Variants in GASK1B observed in about 807,000 individuals in gnomAD.
The protein encoded by GASK1B is Golgi-associated kinase 1B.
In GASK1B, 34 loss-of-function variants were observed where a neutral mutation model predicts 42.8. The ratio of observed to expected loss-of-function variants is 0.79; its 90% CI spans 0.60 to 1.06. The LOEUF is 1.06. Ranked by LOEUF, GASK1B falls within the 50% of genes least tolerant of loss-of-function variation. GASK1B has a pLI of 0.00. For missense variants in GASK1B, 686 were observed against 661.0 expected, an observed-to-expected ratio of 1.04 and a Z score of -0.42; for synonymous variants, 262 against 259.1, an observed-to-expected ratio of 1.01 and a Z score of -0.11.
At chr4:158,144,930 A>G (rs1731272234) in intron 3 of GASK1B, among the ~76,000 whole-genome samples, 1 of 152,194 alleles carries the variant, frequency 6.6e-6, no homozygotes, top group South Asian at 2.1e-4. Context: ...TGAAATCCCA[A>G]TGTCCAGGAC....
intron 2 of GASK1B, 106 bp from the exon 3 acceptor site, chr4:158,155,931 G>A (rs1345653331): frequency 4.8e-6 from 4 of 841,210 alleles, no homozygotes; most frequent in African/African-American, 3.4e-5. Flanking sequence ...CCTATCAAAT[G>A]TGAGAGTTTA....
chr4:158,127,530 A>G lies in GASK1B; in HGVS notation c.1437T>C (p.Tyr479=), dbSNP rs149461557. ...CTTGTCTACCTCCTTGACTTTCCCA[A>G]TACACTTTATCAAGAAACAGAGACT... is the stretch of plus-strand genomic sequence containing the variant. ...LLQSLFLDKV[Y]WESQGGRQGI... The change falls in exon 5 of 5, where the codon TAT becomes TAC. Residue 479 remains tyrosine (Y), a synonymous_variant. Transcript: ENST00000585682. The G allele has an allele frequency of 6.1e-4, 984 of 1,613,748 alleles. No individual in the cohort carries two copies. Among genetic ancestry groups the G allele is most frequent in the Non-Finnish European group, 7.6e-4 (900 of 1,179,784 alleles).
intron 3 of GASK1B, among the ~76,000 whole-genome samples, chr4:158,132,194 C>T (rs901511303): frequency 8.5e-5 from 13 of 152,112 alleles, no homozygotes; most frequent in East Asian, 3.9e-4. Context: ...TTCCCCAGTA[C>T]GTCATATTGA....
intron 4 of GASK1B, among the ~76,000 whole-genome samples, 192 bp downstream of exon 4, chr4:158,130,594 A>G (rs971800249): frequency 5.3e-5 from 8 of 152,158 alleles, no homozygotes; most frequent in Admixed American, 1.3e-4. Context: ...TTGTTGATAG[A>G]GGCGCTATGG....
In GASK1B at chr4:158,171,192, G is replaced by A. The variant is rs1452827430; in HGVS notation, c.184C>T (p.His62Tyr). The A allele has an allele frequency of 6.2e-7, 1 of 1,613,586 alleles. No individual in the cohort carries two copies. Among genetic ancestry groups the A allele is most frequent in the Non-Finnish European group, 8.5e-7 (1 of 1,179,826 alleles). The part of the protein sequence containing the change: ...VSQVGRASLQ[H>Y]GQAAEKGPHR... ...GGCCCCTTCTCAGCCGCCTGTCCAT[G>A]CTGGAGAGAGGCCCTCCCCACCTGG... The change falls in exon 2 of 5, where the codon CAT becomes TAT. Residue 62 changes from histidine (H) to tyrosine (Y), a missense_variant. Physicochemically the swap from His to Tyr is moderately conservative, Grantham distance 83 (BLOSUM62 2). Transcript: ENST00000585682.
chr4:158,153,579 G>A (rs184529713), intron 3 of GASK1B, among the ~76,000 whole-genome samples: 1 of 152,236 alleles, frequency 6.6e-6, no homozygotes, highest in Non-Finnish European at 1.5e-5. Flanking sequence ...CAAATCTGGA[G>A]CCATCACATT....
In GASK1B at chr4:158,135,294, G is replaced by A. The variant is rs1301943987; in HGVS notation, c.1126-4282C>T. 5.7e-5 allele frequency among the ~76,000 whole-genome samples: 8 copies of A among 140,990 alleles called. No homozygotes were observed. In the East Asian group the frequency reaches 6.1e-4, roughly 11 times the overall value. 92.5% of individuals were successfully genotyped at this position (140,990 alleles called of 152,430 possible). The stretch of plus-strand genomic sequence containing the variant: ...CGAGATCGCCCCATTGCACTCCAGC[G>A]TGGGCGACAGGGTGAGACTCCGTCT... On this transcript the variant is annotated intron_variant, in intron 3 of 4. Transcript: ENST00000585682.
chr4:158,126,591 C>T lies in GASK1B; in HGVS notation c.*816G>A, dbSNP rs901896234. 6.6e-6 allele frequency: 1 copy of T among 151,922 alleles called. No homozygotes were observed. Among genetic ancestry groups the T allele is most frequent in the African/African-American group, 2.4e-5 (1 of 41,372 alleles). 9.4% of individuals were successfully genotyped at this position (151,922 alleles called of 1,614,324 possible). ...AAAAGTAACAAAATTTTTAAAGAGA[C>T]ATCCATTTTAAAATGATACTCTGTA... On this transcript the variant is annotated 3_prime_UTR_variant, in exon 5 of 5. Coordinates refer to ENST00000585682, the MANE Select transcript of GASK1B (RefSeq NM_001128424.2).
intron 3 of GASK1B, among the ~76,000 whole-genome samples, 188 bp downstream of exon 3, chr4:158,155,423 A>G: frequency 6.6e-6 from 1 of 152,136 alleles, no homozygotes; most frequent in East Asian, 1.9e-4. Flanking sequence ...TTCTCTCTGA[A>G]GCCTGCTACC....
At chr4:158,150,175 T>C (rs1157502875) in intron 3 of GASK1B, among the ~76,000 whole-genome samples, 1 of 152,086 alleles carries the variant, frequency 6.6e-6, no homozygotes, top group Non-Finnish European at 1.5e-5. Context: ...TCTGCCCGCC[T>C]CGGCCTCCCA....
chr4:158,130,933 G>C lies in GASK1B; in HGVS notation c.1205C>G (p.Pro402Arg), dbSNP rs1441555064. Residue 402 changes from proline (P) to arginine (R), a missense_variant, in exon 4 of 5, where the codon CCA (proline) becomes CGA (arginine). By Grantham distance (103) the Pro-to-Arg change is moderately radical (BLOSUM62 -2). Coordinates refer to ENST00000585682, the MANE Select transcript of GASK1B (RefSeq NM_001128424.2). Reference sequence around the variant, plus strand: ...CGCAGAACCTTGGTCATCACATTTTGGCCTCAATCCATTCTGTACACAGGC... The same window carrying C: ...CGCAGAACCTTGGTCATCACATTTTCGCCTCAATCCATTCTGTACACAGGC... ...EDACVQNGLR[P>R]KCDDQGSAAL... is the part of the protein sequence containing the mutation. 1 of 1,614,004 alleles carries C rather than the reference G, an allele frequency of 6.2e-7. No individual in the cohort carries two copies. Among genetic ancestry groups the C allele is most frequent in the Admixed American group, 1.7e-5 (1 of 60,012 alleles).
chr4:158,156,600 C>T (rs1731770532), intron 2 of GASK1B, among the ~76,000 whole-genome samples: 1 of 151,970 alleles, frequency 6.6e-6, no homozygotes, highest in Non-Finnish European at 1.5e-5. Flanking sequence ...AATTATGAGC[C>T]CCAGTGAAAT....
chr4:158,125,280 A>G lies in GASK1B; in HGVS notation c.*2127T>C, dbSNP rs879458970. On this transcript the variant is annotated 3_prime_UTR_variant, in exon 5 of 5. Transcript: ENST00000585682. Reference sequence around the variant, plus strand: ...TTGGAATAACTGGAGGCAAATAAACAAAGTTAAACCCTCACGTGGGAAGAC... The same window carrying G: ...TTGGAATAACTGGAGGCAAATAAACGAAGTTAAACCCTCACGTGGGAAGAC... The G allele has an allele frequency of 1.3e-5, 2 of 152,182 alleles. No individual in the cohort carries two copies. The highest frequency in any genetic ancestry group is 2.4e-5 in the African/African-American group (1 of 41,446). 9.4% of individuals were successfully genotyped at this position (152,182 alleles called of 1,614,324 possible).
chr4:158,171,161 C>T lies in GASK1B; in HGVS notation c.215G>A (p.Arg72His). 1 of 1,608,730 alleles carries T rather than the reference C, an allele frequency of 6.2e-7. No homozygotes were observed. Among genetic ancestry groups the T allele is most frequent in the Non-Finnish European group, 8.5e-7 (1 of 1,176,306 alleles). The change falls in exon 2 of 5, where the codon CGC (arginine) becomes CAC (histidine). Residue 72 changes from arginine (R) to histidine (H), a missense_variant. Coordinates refer to ENST00000585682, the MANE Select transcript of GASK1B (RefSeq NM_001128424.2). ...HGQAAEKGPH[R>H]SRDTAEPSFP... ...GGATGGCTCGGCGGTGTCGCGGCTG[C>T]GATGTGGCCCCTTCTCAGCCGCCTG...
At chr4:158,139,472 G>GT (rs1386411411) in intron 3 of GASK1B, among the ~76,000 whole-genome samples, 2 of 152,074 alleles carry the variant, frequency 1.3e-5, no homozygotes, top group Non-Finnish European at 2.9e-5. Flanking sequence ...TCACAGAAAT[G>GT]TAATACCTTT....
intron 2 of GASK1B, among the ~76,000 whole-genome samples, chr4:158,156,086 G>A (rs1731749230): frequency 6.6e-6 from 1 of 152,098 alleles, no homozygotes; most frequent in Non-Finnish European, 1.5e-5. Context: ...GATGTGGCAG[G>A]AATAGGCTAC....
chr4:158,170,563 G>A lies in GASK1B; in HGVS notation c.813C>T (p.Pro271=). 1.2e-6 allele frequency: 2 copies of A among 1,614,188 alleles called. No homozygotes were observed. Among genetic ancestry groups the A allele is most frequent in the South Asian group, 2.2e-5 (2 of 91,088 alleles). Residue 271 remains proline (P), a synonymous_variant, in exon 2 of 5, where the codon CCC becomes CCT. Coordinates refer to ENST00000585682, the MANE Select transcript of GASK1B (RefSeq NM_001128424.2). ...AGGCAAACACCTCACTCATGTCCAAGGGCTGCTTGAGAAGCCCACAGGGGC... is the reference window on the plus strand; with the variant it reads ...AGGCAAACACCTCACTCATGTCCAAAGGCTGCTTGAGAAGCCCACAGGGGC... ...GPSPCGLLKQ[P]LDMSEVFAFH...
intron 3 of GASK1B, among the ~76,000 whole-genome samples, chr4:158,135,907 A>G (rs1375416818): frequency 6.6e-6 from 1 of 152,212 alleles, no homozygotes; most frequent in Non-Finnish European, 1.5e-5. Flanking sequence ...AGGCATCTTT[A>G]GAGATACAAT....
At chr4:158,128,782 A>G (rs1730556986) in intron 4 of GASK1B, among the ~76,000 whole-genome samples, 1 of 152,220 alleles carries the variant, frequency 6.6e-6, no homozygotes, top group Admixed American at 6.5e-5. Flanking sequence ...TGTGTGAGGA[A>G]GTGCGGAATG....
Sources: allele counts gnomAD v4.1 joint callset (sites outside exome capture counted in the v4.1 genomes callset), GRCh38; gene constraint gnomAD v4.1.1; transcripts MANE v1.5; gene names NCBI Gene and HGNC (gene_info 2026-07-23, HGNC 2026-07-21).